SFTPD: variants seen among roughly 807,000 people sequenced by gnomAD.
SFTPD encodes the protein pulmonary surfactant-associated protein D.
Under a neutral mutation model 34.6 loss-of-function variants are expected in SFTPD, and 18 were observed. The observed-to-expected ratio is 0.52, with a 90% CI of 0.36 to 0.77. The LOEUF (loss-of-function observed/expected upper bound fraction) is 0.77. Among genes scored for constraint, SFTPD ranks in the 30% least tolerant of loss-of-function variants. The pLI is 0.00. For synonymous variants in SFTPD, 155 were observed against 180.9 expected, an observed-to-expected ratio of 0.86 and a Z score of 1.15; for missense variants, 433 against 468.9, an observed-to-expected ratio of 0.92 and a Z score of 0.71.
At chr10:79,971,181 T>C (rs899950953) in intron 1 of SFTPD, 2 of 152,208 alleles carry the variant, frequency 1.3e-5, no homozygotes, top group Non-Finnish European at 2.9e-5. Context: ...TTGGTTTGCA[T>C]ATGTCAAACC....
intron 1 of SFTPD, among the ~76,000 whole-genome samples, chr10:79,974,687 T>C (rs1054810583): frequency 2.6e-5 from 4 of 152,216 alleles, no homozygotes; most frequent in Non-Finnish European, 5.9e-5. Flanking sequence ...TCCCGTCACC[T>C]CTCCTCATCA....
At chr10:79,958,726 A>G (rs1241319060) in intron 1 of SFTPD, among the ~76,000 whole-genome samples, 1 of 152,244 alleles carries the variant, frequency 6.6e-6, no homozygotes, top group African/African-American at 2.4e-5. Flanking sequence ...TCAACATTAG[A>G]CAGATCAACA....
chr10:79,959,517 C>T (rs969249006), intron 1 of SFTPD, among the ~76,000 whole-genome samples: 1 of 152,182 alleles, frequency 6.6e-6, no homozygotes, highest in African/African-American at 2.4e-5. Flanking sequence ...CTATAAACAC[C>T]TCTACACAAA....
chr10:79,982,294 G>A (rs1842895874), intron 1 of SFTPD: 3 of 1,013,126 alleles, frequency 3.0e-6, no homozygotes, highest in East Asian at 3.7e-5. Flanking sequence ...GGCGGTTCCC[G>A]GCTCAGGTGC....
At chr10:79,967,168 A>T (rs1842807535) in intron 1 of SFTPD, among the ~76,000 whole-genome samples, 1 of 126,110 alleles carries the variant, frequency 7.9e-6, no homozygotes. Flanking sequence ...ACAGACAAAC[A>T]GAGAGCCAAA....
In SFTPD at chr10:79,967,635, C is replaced by G. The variant is rs1350315278; in HGVS notation, c.36+14940G>C. 9.5e-5 allele frequency among the ~76,000 whole-genome samples: 13 copies of G among 136,132 alleles called. 1 individual carries two copies. Among genetic ancestry groups the G allele is most frequent in the Non-Finnish European group, 1.5e-4 (10 of 65,014 alleles). 89.3% of individuals were successfully genotyped at this position (136,132 alleles called of 152,430 possible). On this transcript the variant is annotated intron_variant, in intron 1 of 5. Transcript: ENST00000444384. ...GATCAATGGAACAGAACAGAGCCCT[C>G]AGAAATAATGCCGCATATCTACAAC...
intron 1 of SFTPD, among the ~76,000 whole-genome samples, chr10:79,956,835 G>A (rs1356602842): frequency 6.6e-6 from 1 of 152,214 alleles, no homozygotes; most frequent in Non-Finnish European, 1.5e-5. Context: ...GGAGATCTGA[G>A]AACGGGCAGA....
chr10:79,970,666 T>C (rs1842830063), intron 1 of SFTPD: 1 of 152,172 alleles, frequency 6.6e-6, no homozygotes, highest in Non-Finnish European at 1.5e-5. Flanking sequence ...CTTTTTCAAG[T>C]AGTTCATTGT....
chr10:79,941,016 T>C (rs920396594), intron 6 of SFTPD, among the ~76,000 whole-genome samples: 1 of 148,402 alleles, frequency 6.7e-6, no homozygotes, highest in Non-Finnish European at 1.5e-5. Context: ...CCAGATGACA[T>C]TGTGACTTTA....
chr10:79,981,928 A>T (rs2132533058), intron 1 of SFTPD: 1 of 300,904 alleles, frequency 3.3e-6, no homozygotes, highest in Admixed American at 4.8e-5. Flanking sequence ...CCCGCAGCCG[A>T]GACCCCTTCC....
At chr10:79,949,779 G>C (rs1382355387), upstream of SFTPD, among the ~76,000 whole-genome samples, 3 of 152,030 alleles carry the variant, frequency 2.0e-5, no homozygotes, top group Admixed American at 2.0e-4. Flanking sequence ...GCTGGTGTTT[G>C]TCTTGTGCAC....
At chr10:79,948,259 C>T (rs914509315) in intron 1 of SFTPD, among the ~76,000 whole-genome samples, 1 of 152,248 alleles carries the variant, frequency 6.6e-6, no homozygotes, top group African/African-American at 2.4e-5. Context: ...CTGTGCCCCG[C>T]AGCTCCCTCA....
rs937037690 is a variant in SFTPD, at chr10:79,939,854, G to A, written c.751+851C>T. Among the ~76,000 whole-genome samples, 6 of 152,264 alleles carry A rather than the reference G, an allele frequency of 3.9e-5. No homozygotes were observed. The East Asian group carries it at 5.8e-4, about 15-fold the overall frequency. ...ACTCAAAGCTGATATCAGGAAAGGC[G>A]GAGGAGAGTAGGGGCAGTTGGGCAC... On this transcript the variant is annotated intron_variant, in intron 7 of 7. Transcript: ENST00000372292.
chr10:79,938,214 T>C lies in SFTPD; in HGVS notation c.766A>G (p.Asn256Asp). ...SQYKKVELFPNGQSVGEKIFK... is the reference protein window; with the variant it reads ...SQYKKVELFPDGQSVGEKIFK... ...ATCTTCTCCCCGACACTTTGGCCAT[T>C]TGGGAAGAGCTCAACTAGGAGAAGA... is the stretch of plus-strand genomic sequence containing the variant. Residue 256 changes from asparagine to aspartate, a missense_variant, in exon 8 of 8, where the codon AAT (asparagine) becomes GAT (aspartate). Asn to Asp is a conservative substitution (Grantham distance 23). Transcript: ENST00000372292. 1.9e-6 allele frequency: 3 copies of C among 1,594,292 alleles called. No individual in the cohort carries two copies. Among genetic ancestry groups the C allele is most frequent in the Non-Finnish European group, 2.6e-6 (3 of 1,164,650 alleles).
At position 79,981,354 on chromosome 10, in the gene SFTPD, T is replaced by C. The variant is rs905299251; in HGVS notation, c.36+1221A>G. On this transcript the variant is annotated intron_variant, in intron 1 of 5. Coordinates refer to the SFTPD transcript ENST00000444384. Reference sequence around the variant, plus strand: ...AAAAGGCAAATATAAGTTATTGGTCTTAAAGTGGAGGTAGAGAGGGAAATC... The same window carrying C: ...AAAAGGCAAATATAAGTTATTGGTCCTAAAGTGGAGGTAGAGAGGGAAATC... 2.0e-5 allele frequency among the ~76,000 whole-genome samples: 3 copies of C among 152,206 alleles called. 1 individual carries two copies. In the South Asian group the frequency reaches 6.2e-4, roughly 32 times the overall value.
At chr10:79,947,272 G>A (rs1310803116) in intron 1 of SFTPD, among the ~76,000 whole-genome samples, 1 of 152,350 alleles carries the variant, frequency 6.6e-6, no homozygotes, top group East Asian at 1.9e-4. Context: ...CCTCGAGCAG[G>A]TGCTGTCTCT....
At chr10:79,969,830 T>G (rs2265960) in intron 1 of SFTPD, 45,976 of 152,066 alleles carry the variant, frequency 0.3, 7,403 homozygotes, top group Non-Finnish European at 0.33. Flanking sequence ...TCTCCCATTC[T>G]GTAGGTTCTT....
At chr10:79,964,616 G>A (rs553513684) in intron 1 of SFTPD, among the ~76,000 whole-genome samples, 39 of 152,190 alleles carry the variant, frequency 2.6e-4, no homozygotes, top group Middle Eastern at 3.4e-3. Flanking sequence ...GTTACAAGCC[G>A]CTAGCCCGCC....
intron 5 of SFTPD, 34 bp downstream of exon 5, chr10:79,941,920 G>C: frequency 1.4e-6 from 2 of 1,425,614 alleles, no homozygotes; most frequent in Non-Finnish European, 2.0e-6. Context: ...AGGAGAACTG[G>C]ACCCAGCCCA....
Sources: gnomAD v4.1 joint callset for allele counts (sites outside exome capture counted in the v4.1 genomes callset) on GRCh38, gnomAD v4.1.1 for gene constraint, MANE v1.5 for transcripts, NCBI Gene and HGNC (gene_info 2026-07-23, HGNC 2026-07-21) for gene names.